The following BICC1 variants were observed in gnomAD, a reference collection of about 807,000 sequenced individuals.
The protein encoded by BICC1 is protein bicaudal C homolog 1.
A neutral mutation model predicts 111.0 loss-of-function variants in BICC1; 43 were observed. That is an observed-to-expected ratio of 0.39 (90% CI 0.30 to 0.50). The LOEUF is 0.50. Ranked by LOEUF, BICC1 falls within the 20% of genes least tolerant of loss-of-function variation. BICC1 has a pLI of 0.88. For missense variants in BICC1, 1,091 were observed against 1,203.2 expected (o/e 0.91, Z 1.38); for synonymous variants, 467 against 434.4 (o/e 1.07, Z -0.93).
intron 2 of BICC1, among the ~76,000 whole-genome samples, chr10:58,682,822 T>G (rs1356394148): frequency 1.3e-5 from 2 of 152,218 alleles, no homozygotes; most frequent in Admixed American, 1.3e-4. Context: ...TTTCTCCCAT[T>G]CTGTAGGTTG....
At chr10:58,699,769 A>C (rs1840174388) in intron 2 of BICC1, among the ~76,000 whole-genome samples, 1 of 151,806 alleles carries the variant, frequency 6.6e-6, no homozygotes, top group South Asian at 2.1e-4. Flanking sequence ...ATCATTGCTC[A>C]CTACATCCTT....
chr10:58,753,753 C>G (rs1275947364), intron 3 of BICC1, among the ~76,000 whole-genome samples: 1 of 151,948 alleles, frequency 6.6e-6, no homozygotes, highest in African/African-American at 2.4e-5. Context: ...TTATATTTTT[C>G]TGGAATTTCT....
At chr10:58,686,378 AT>A (rs1481126335) in intron 2 of BICC1, among the ~76,000 whole-genome samples, 1 of 151,986 alleles carries the variant, frequency 6.6e-6, no homozygotes, top group East Asian at 1.9e-4. Context: ...TCTTTGTGGC[AT>A]TCTCTGTATT....
In BICC1 at chr10:58,813,838, C is replaced by G; in HGVS notation, c.2385C>G (p.Ser795=). 1 of 1,613,906 alleles carries G rather than the reference C, an allele frequency of 6.2e-7. No individual in the cohort carries two copies. Residue 795 remains serine, a synonymous_variant, in exon 18 of 21, where the codon TCC becomes TCG. Coordinates refer to ENST00000373886, the MANE Select transcript of BICC1 (RefSeq NM_001080512.3). ...GCTTTGTCTGTTTACAGGGCTCATCCATGTCCCTTTCACGGTCCAACAGTC... is the reference window on the plus strand; with the variant it reads ...GCTTTGTCTGTTTACAGGGCTCATCGATGTCCCTTTCACGGTCCAACAGTC... ...PTMTTTYEGS[S]MSLSRSNSRE... is the part of the protein sequence containing the mutation.
At chr10:58,754,564 G>A (rs568468912) in intron 3 of BICC1, among the ~76,000 whole-genome samples, 22 of 152,246 alleles carry the variant, frequency 1.4e-4, no homozygotes, top group Non-Finnish European at 2.9e-4. Context: ...TGATTTCTTC[G>A]TAGCTTGCCA....
chr10:58,765,290 A>G (rs961023761), intron 3 of BICC1, among the ~76,000 whole-genome samples: 2 of 114,574 alleles, frequency 1.7e-5, no homozygotes, highest in African/African-American at 6.1e-5. Flanking sequence ...TCCTGACCTC[A>G]GGCCATCCAC....
intron 3 of BICC1, among the ~76,000 whole-genome samples, chr10:58,741,387 G>A (rs1215142183): frequency 6.6e-6 from 1 of 152,050 alleles, no homozygotes; most frequent in African/African-American, 2.4e-5. Context: ...TGATTTTTTC[G>A]GGGGAAGAAA....
intron 1 of BICC1, among the ~76,000 whole-genome samples, chr10:58,555,796 T>C (rs1843434038): frequency 6.6e-6 from 1 of 152,148 alleles, no homozygotes; most frequent in Non-Finnish European, 1.5e-5. Context: ...TCAAAGCCTT[T>C]AACTTGGATT....
At chr10:58,644,718 C>A (rs1279965170) in intron 2 of BICC1, among the ~76,000 whole-genome samples, 1 of 152,000 alleles carries the variant, frequency 6.6e-6, no homozygotes, top group Non-Finnish European at 1.5e-5. Context: ...CCAACGTTGT[C>A]AGGAAGGGCA....
intron 1 of BICC1, among the ~76,000 whole-genome samples, chr10:58,534,159 A>G (rs927170660): frequency 1.3e-5 from 2 of 151,744 alleles, no homozygotes; most frequent in South Asian, 2.1e-4. Flanking sequence ...CTTTATAGAA[A>G]ATAGGTAAAG....
rs1416007383 is a variant in BICC1, at chr10:58,817,685, G to A, written c.2657G>A (p.Gly886Asp). ...CTCCCTGAGCTCTTCAGCAAACTGG[G>A]CCTGGGCAAATACACAGATGTTTTC... is the stretch of plus-strand genomic sequence containing the variant. ...SDLPELFSKLGLGKYTDVFQQ... is the reference protein window; with the variant it reads ...SDLPELFSKLDLGKYTDVFQQ... Residue 886 changes from glycine (G) to aspartate (D), a missense_variant, in exon 19 of 21, where the codon GGC becomes GAC. Gly to Asp is a moderately conservative substitution (Grantham distance 94, BLOSUM62 -1). Transcript: ENST00000373886. 1.2e-6 allele frequency: 2 copies of A among 1,613,048 alleles called. No homozygotes were observed. Among genetic ancestry groups the A allele is most frequent in the South Asian group, 2.2e-5 (2 of 90,940 alleles).
intron 3 of BICC1, among the ~76,000 whole-genome samples, chr10:58,717,036 A>G (rs1420927798): frequency 6.6e-6 from 1 of 152,160 alleles, no homozygotes; most frequent in Non-Finnish European, 1.5e-5. Context: ...GTAATAATGA[A>G]TATTTTTTAG....
chr10:58,733,383 A>C (rs1000982656), intron 3 of BICC1, among the ~76,000 whole-genome samples: 1 of 152,250 alleles, frequency 6.6e-6, no homozygotes, highest in African/African-American at 2.4e-5. Flanking sequence ...CTGTAAAAAA[A>C]GTATTCCTCT....
chr10:58,800,846 G>A (rs754773371), intron 13 of BICC1, 44 bp from the exon 14 acceptor site: 1 of 1,533,316 alleles, frequency 6.5e-7, no homozygotes, highest in African/African-American at 1.4e-5. Flanking sequence ...ACTGGAAGGT[G>A]ATGTTGTTTA....
At chr10:58,675,840 G>C (rs1839321794) in intron 2 of BICC1, among the ~76,000 whole-genome samples, 1 of 152,212 alleles carries the variant, frequency 6.6e-6, no homozygotes. Context: ...AGGGATTCCT[G>C]GGCAAGATGG....
chr10:58,697,582 A>G (rs1589034239), intron 2 of BICC1, among the ~76,000 whole-genome samples: 1 of 152,082 alleles, frequency 6.6e-6, no homozygotes, highest in East Asian at 1.9e-4. Flanking sequence ...ACATCTTCCT[A>G]GCCTTACCTT....
At chr10:58,623,745 G>T (rs1173497753) in intron 2 of BICC1, among the ~76,000 whole-genome samples, 2 of 152,238 alleles carry the variant, frequency 1.3e-5, no homozygotes, top group Admixed American at 1.3e-4. Flanking sequence ...TTGTGTGTTG[G>T]TGAGGGAGAT....
intron 2 of BICC1, among the ~76,000 whole-genome samples, chr10:58,669,249 G>T (rs565138379): frequency 6.6e-6 from 1 of 151,724 alleles, no homozygotes; most frequent in African/African-American, 2.4e-5. Context: ...TCATGTAAGC[G>T]CACAAAAAGT....
At position 58,527,140 on chromosome 10, in the gene BICC1, T is replaced by C. The variant is rs1462108324; in HGVS notation, c.190+13807T>C. 4.6e-5 allele frequency among the ~76,000 whole-genome samples: 7 copies of C among 152,318 alleles called. No homozygotes were observed. In the South Asian group the frequency reaches 1.2e-3, roughly 27 times the overall value. ...CCATTCTAACTGGTGTGAGATGGTA[T>C]CTCATTGTGGTTTTGATTTGCATTT... is the stretch of plus-strand genomic sequence containing the variant. On this transcript the variant is annotated intron_variant, in intron 1 of 20. Coordinates refer to ENST00000373886, the MANE Select transcript of BICC1 (RefSeq NM_001080512.3).
Sources: allele counts gnomAD v4.1 joint callset (sites outside exome capture counted in the v4.1 genomes callset), GRCh38; gene constraint gnomAD v4.1.1; transcripts MANE v1.5; gene names NCBI Gene and HGNC (gene_info 2026-07-23, HGNC 2026-07-21).